GRM7: variants seen among roughly 807,000 people sequenced by gnomAD.
The protein encoded by GRM7 is glutamate metabotropic receptor 7.
In GRM7, 35 loss-of-function variants were observed where a neutral mutation model predicts 84.5. The observed-to-expected ratio is 0.41, with a 90% CI of 0.32 to 0.55. The LOEUF is 0.55. Among genes scored for constraint, GRM7 ranks in the 20% least tolerant of loss-of-function variants. The pLI, the probability that GRM7 is intolerant of heterozygous loss-of-function variation, is 0.19. For synonymous variants in GRM7, 487 were observed against 455.1 expected (o/e 1.07, Z -0.89); for missense variants, 1,003 against 1,194.6 (o/e 0.84, Z 2.36).
intron 9 of GRM7, among the ~76,000 whole-genome samples, chr3:7,739,507 T>C (rs1036930353): frequency 3.3e-5 from 5 of 152,184 alleles, no homozygotes; most frequent in African/African-American, 1.2e-4. Context: ...ATAAAGAATA[T>C]ATCACATCAT....
intron 1 of GRM7, among the ~76,000 whole-genome samples, chr3:7,029,301 C>CAAAAAAAAAAAA (rs57622634): frequency 1.8e-5 from 1 of 55,244 alleles, no homozygotes. Context: ...GACTCTGCCT[C>CAAAAAAAAAAAA]AAAAAAAAAA....
intron 1 of GRM7, among the ~76,000 whole-genome samples, chr3:7,124,957 G>C (rs191053736): frequency 6.6e-6 from 1 of 150,720 alleles, no homozygotes; most frequent in African/African-American, 2.4e-5. Context: ...TTTTCTTTTT[G>C]AGGCAGAGTC....
At chr3:7,102,458 CTT>C (rs983908058) in intron 1 of GRM7, among the ~76,000 whole-genome samples, 3 of 151,732 alleles carry the variant, frequency 2.0e-5, no homozygotes, top group African/African-American at 7.2e-5. Context: ...AAGGTTTTCT[CTT>C]TGTCTTTGGT....
intron 1 of GRM7, among the ~76,000 whole-genome samples, chr3:7,012,479 G>C (rs1205830074): frequency 1.3e-5 from 2 of 152,044 alleles, no homozygotes; most frequent in Non-Finnish European, 2.9e-5. Flanking sequence ...AGCCCTCATT[G>C]ACATATTTAA....
intron 1 of GRM7, among the ~76,000 whole-genome samples, chr3:7,138,655 A>G (rs993700397): frequency 1.3e-5 from 2 of 151,944 alleles, no homozygotes; most frequent in African/African-American, 4.8e-5. Flanking sequence ...ATTGAAAAAT[A>G]CTGGCATAAA....
chr3:7,342,059 C>T (rs756363274), intron 4 of GRM7, among the ~76,000 whole-genome samples: 11 of 152,262 alleles, frequency 7.2e-5, no homozygotes, highest in Non-Finnish European at 1.6e-4. Context: ...GTAACAGACA[C>T]AGCATTCCAT....
intron 7 of GRM7, among the ~76,000 whole-genome samples, chr3:7,525,725 ATTCCTTGGT>A (rs1393782868): frequency 2.0e-5 from 3 of 151,842 alleles, no homozygotes; most frequent in Non-Finnish European, 2.9e-5. Flanking sequence ...CCACTTTTTG[ATTCCTTGGT>A]GACTAGTGGT....
chr3:7,152,321 C>T (rs1487808368), intron 2 of GRM7, among the ~76,000 whole-genome samples: 2 of 152,124 alleles, frequency 1.3e-5, no homozygotes, highest in Non-Finnish European at 2.9e-5. Flanking sequence ...ATAATCCCTC[C>T]AATATAGTAT....
intron 1 of GRM7, among the ~76,000 whole-genome samples, chr3:7,058,705 G>A (rs183263023): frequency 6.6e-6 from 1 of 151,984 alleles, no homozygotes; most frequent in Non-Finnish European, 1.5e-5. Flanking sequence ...TTTTGCAAGA[G>A]TATACCGAAC....
intron 1 of GRM7, among the ~76,000 whole-genome samples, chr3:7,101,133 G>C (rs1429798261): frequency 6.6e-6 from 1 of 151,550 alleles, no homozygotes; most frequent in Non-Finnish European, 1.5e-5. Context: ...GAAATTGCTG[G>C]GTCATAGGGT....
At chr3:7,252,670 T>TCTTTC (rs1698036589) in intron 2 of GRM7, among the ~76,000 whole-genome samples, 3 of 131,392 alleles carry the variant, frequency 2.3e-5, no homozygotes, top group Non-Finnish European at 3.2e-5. Flanking sequence ...TCTATTTTTT[T>TCTTTC]CTTTTCTTTT....
At chr3:7,665,836 T>G (rs1699675317) in intron 8 of GRM7, among the ~76,000 whole-genome samples, 1 of 152,204 alleles carries the variant, frequency 6.6e-6, no homozygotes, top group Admixed American at 6.5e-5. Flanking sequence ...CTATGTGTAT[T>G]TAAGACTCTA....
intron 1 of GRM7, among the ~76,000 whole-genome samples, chr3:6,945,906 G>A (rs868536662): frequency 6.6e-6 from 1 of 151,948 alleles, no homozygotes; most frequent in Non-Finnish European, 1.5e-5. Flanking sequence ...TTTTTGGTGG[G>A]GTTGTTTTTT....
intron 2 of GRM7, among the ~76,000 whole-genome samples, chr3:7,237,904 G>T (rs997312381): frequency 6.6e-6 from 1 of 152,038 alleles, no homozygotes; most frequent in Admixed American, 6.6e-5. Context: ...AGTGCTGATT[G>T]GTGCGTTTTT....
chr3:7,103,326 C>T (rs372166425), intron 1 of GRM7, among the ~76,000 whole-genome samples: 1 of 151,702 alleles, frequency 6.6e-6, no homozygotes, highest in Non-Finnish European at 1.5e-5. Flanking sequence ...AAAGTGGCTA[C>T]CAAGCCTCTC....
intron 2 of GRM7, among the ~76,000 whole-genome samples, chr3:7,297,964 C>T (rs536574194): frequency 1.1e-4 from 16 of 152,164 alleles, no homozygotes; most frequent in Non-Finnish European, 2.2e-4. Flanking sequence ...TTCATAATGC[C>T]AATTAATATT....
chr3:7,490,973 C>G (rs950390550), intron 7 of GRM7, among the ~76,000 whole-genome samples: 13 of 151,666 alleles, frequency 8.6e-5, no homozygotes, highest in Admixed American at 7.9e-4. Flanking sequence ...TAGAAAAAAT[C>G]TGAAAATAAT....
At chr3:7,033,062 C>T (rs1254619063) in intron 1 of GRM7, among the ~76,000 whole-genome samples, 1 of 152,276 alleles carries the variant, frequency 6.6e-6, no homozygotes, top group Non-Finnish European at 1.5e-5. Context: ...CAGGGAGAAT[C>T]TGTTTCATAC....
At chr3:6,880,817 T>A (rs150160308) in intron 1 of GRM7, among the ~76,000 whole-genome samples, 36 of 152,356 alleles carry the variant, frequency 2.4e-4, no homozygotes, top group African/African-American at 8.2e-4. Flanking sequence ...CTCCAGAAGC[T>A]TGGAGAACTT....
Sources: gnomAD v4.1 joint callset for allele counts (sites outside exome capture counted in the v4.1 genomes callset) on GRCh38, gnomAD v4.1.1 for gene constraint, MANE v1.5 for transcripts, NCBI Gene and HGNC (gene_info 2026-07-23, HGNC 2026-07-21) for gene names.